The following SRRM4 variants were observed in gnomAD, a reference collection of about 807,000 sequenced individuals.
SRRM4 encodes the protein serine/arginine repetitive matrix protein 4.
A neutral mutation model predicts 68.9 loss-of-function variants in SRRM4; 33 were observed. The ratio of observed to expected loss-of-function variants is 0.48; its 90% CI spans 0.36 to 0.64. The LOEUF is 0.64. Among genes scored for constraint, SRRM4 ranks in the 30% least tolerant of loss-of-function variants. The pLI is 0.00. For missense variants in SRRM4, 817 were observed against 827.1 expected, an observed-to-expected ratio of 0.99 and a Z score of 0.15; for synonymous variants, 318 against 318.8, an observed-to-expected ratio of 1.00 and a Z score of 0.03.
rs1022225829 is a variant in SRRM4, at chr12:119,122,137, T to C, written c.515+17T>C. ...CAAGAAACAGTAAGTAGATACTACC[T>C]GGAATGTACTCATCAGTTTGAGGAG... On this transcript the variant is annotated intron_variant, in intron 6 of 12. Coordinates refer to ENST00000267260, the MANE Select transcript of SRRM4 (RefSeq NM_194286.4). 4 of 1,576,240 alleles carry C rather than the reference T, an allele frequency of 2.5e-6. No individual in the cohort carries two copies. Among genetic ancestry groups the C allele is most frequent in the Non-Finnish European group, 2.6e-6 (3 of 1,145,796 alleles).
chr12:119,066,436 C>A (rs541599174), intron 1 of SRRM4, among the ~76,000 whole-genome samples: 1 of 152,320 alleles, frequency 6.6e-6, no homozygotes, highest in Non-Finnish European at 1.5e-5. Flanking sequence ...TTATTTTACA[C>A]TACTGGGTCT....
At chr12:119,126,861 A>G (rs1033919754) in intron 7 of SRRM4, among the ~76,000 whole-genome samples, 1 of 150,188 alleles carries the variant, frequency 6.7e-6, no homozygotes, top group Non-Finnish European at 1.5e-5. Context: ...CATATACACC[A>G]TGGAATACTA....
At chr12:119,078,233 C>A (rs1467918243) in intron 1 of SRRM4, among the ~76,000 whole-genome samples, 6 of 152,184 alleles carry the variant, frequency 3.9e-5, no homozygotes, top group Non-Finnish European at 8.8e-5. Context: ...TCTATTCAAC[C>A]CTTATGTCCT....
chr12:118,982,697 CA>C (rs1953258327), intron 1 of SRRM4, among the ~76,000 whole-genome samples: 1 of 59,030 alleles, frequency 1.7e-5, no homozygotes, highest in African/African-American at 6.1e-5. Flanking sequence ...TTTTTTTTTC[CA>C]AAAAGAATCT....
intron 1 of SRRM4, among the ~76,000 whole-genome samples, chr12:119,020,402 A>T (rs1056841235): frequency 2.6e-5 from 4 of 152,260 alleles, no homozygotes; most frequent in African/African-American, 9.6e-5. Flanking sequence ...AGTATGGTAG[A>T]TAAAAATCTG....
At chr12:119,060,401 C>G (rs1953803480) in intron 1 of SRRM4, among the ~76,000 whole-genome samples, 3 of 148,922 alleles carry the variant, frequency 2.0e-5, no homozygotes, top group Non-Finnish European at 3.0e-5. Context: ...CACATGTATC[C>G]ATGTGAGCGC....
At chr12:119,122,300 A>AGGAAGGCAGGAAGGCAGGAAGGC (rs1565913366) in intron 6 of SRRM4, among the ~76,000 whole-genome samples, 180 bp downstream of exon 6, 4 of 67,012 alleles carry the variant, frequency 6.0e-5, no homozygotes, top group Admixed American at 1.5e-4. Context: ...GGCAGGAAGG[A>AGGAAGGCAGGAAGGCAGGAAGGC]AGGAAGGAAG....
At chr12:119,081,879 G>C (rs1394204285) in intron 1 of SRRM4, among the ~76,000 whole-genome samples, 1 of 148,320 alleles carries the variant, frequency 6.7e-6, no homozygotes, top group Non-Finnish European at 1.5e-5. Context: ...GTTACCACCA[G>C]AACAGCTAAC....
intron 1 of SRRM4, among the ~76,000 whole-genome samples, chr12:119,068,391 G>C (rs949484948): frequency 3.3e-5 from 5 of 152,158 alleles, no homozygotes; most frequent in African/African-American, 1.2e-4. Flanking sequence ...GGACAAAAAG[G>C]GAGCCAAGGC....
At chr12:119,066,299 A>G (rs1364084469) in intron 1 of SRRM4, among the ~76,000 whole-genome samples, 1 of 152,242 alleles carries the variant, frequency 6.6e-6, no homozygotes, top group Non-Finnish European at 1.5e-5. Flanking sequence ...CACAGTGTTG[A>G]CATTACCAAT....
chr12:119,061,862 A>G (rs1001014464), intron 1 of SRRM4, among the ~76,000 whole-genome samples: 1 of 152,040 alleles, frequency 6.6e-6, no homozygotes, highest in African/African-American at 2.4e-5. Context: ...CCCAGTTGTG[A>G]CAACCAAAAG....
At position 119,066,718 on chromosome 12, in the gene SRRM4, G is replaced by A. The variant is rs529866100; in HGVS notation, c.132-35518G>A. ...CTTCACCTGATGTTCCTTGTTACCAGAAGCATTGCCTGGAGTTAGGAAGGG... is the reference window on the plus strand; with the variant it reads ...CTTCACCTGATGTTCCTTGTTACCAAAAGCATTGCCTGGAGTTAGGAAGGG... On this transcript the variant is annotated intron_variant, in intron 1 of 12. Transcript: ENST00000267260. Among the ~76,000 whole-genome samples the A allele has an allele frequency of 3.2e-4, 49 of 152,340 alleles. No homozygotes were observed. The Middle Eastern group carries it at 0.024, about 74-fold the overall frequency.
chr12:119,152,489 C>T (rs573275273), intron 10 of SRRM4, among the ~76,000 whole-genome samples: 14 of 152,072 alleles, frequency 9.2e-5, no homozygotes, highest in African/African-American at 3.4e-4. Flanking sequence ...ATTACTCCCT[C>T]ATTTACTACA....
chr12:119,043,635 C>A (rs1301155451), intron 1 of SRRM4, among the ~76,000 whole-genome samples: 1 of 151,806 alleles, frequency 6.6e-6, no homozygotes. Context: ...GTCAGCAGGG[C>A]ACAGAGCAAT....
At chr12:119,085,873 G>T (rs1220031035) in intron 1 of SRRM4, among the ~76,000 whole-genome samples, 1 of 152,064 alleles carries the variant, frequency 6.6e-6, no homozygotes, top group East Asian at 1.9e-4. Context: ...GATGGAGGGT[G>T]GTGGCCAGGC....
In SRRM4 at chr12:119,154,240, C is replaced by T. The variant is rs1304857855; in HGVS notation, c.1392-3C>T. 6.3e-7 allele frequency: 1 copy of T among 1,599,654 alleles called. No individual in the cohort carries two copies. The highest frequency in any genetic ancestry group is 1.1e-5 in the South Asian group (1 of 89,058). On this transcript the variant is annotated splice_region_variant and splice_polypyrimidine_tract_variant and intron_variant, in intron 11 of 12. Transcript: ENST00000267260. The surrounding 1 kb of genome is among the most constrained non-coding windows in gnomAD (Gnocchi z 4.7). Reference sequence around the variant, plus strand: ...TCCCCAGTAACCCCCCGCGCCCCTTCAGGGAGCGGGATCCCAAATACAGTG... The same window carrying T: ...TCCCCAGTAACCCCCCGCGCCCCTTTAGGGAGCGGGATCCCAAATACAGTG...
In SRRM4 at chr12:119,154,107, C is replaced by T; in HGVS notation, c.1392-136C>T. The T allele has an allele frequency of 1.3e-6, 1 of 759,328 alleles. No individual in the cohort carries two copies. The highest frequency in any genetic ancestry group is 2.1e-6 in the Non-Finnish European group (1 of 465,176). 47.0% of individuals were successfully genotyped at this position (759,328 alleles called of 1,614,324 possible). On this transcript the variant is annotated intron_variant, in intron 11 of 12. Coordinates refer to ENST00000267260, the MANE Select transcript of SRRM4 (RefSeq NM_194286.4). The surrounding 1 kb of genome is among the most constrained non-coding windows in gnomAD (Gnocchi z 4.7). ...GCAGCCCCGTCATCCTCCCTCCGGT[C>T]TCCCTTGCGGCAACGTGCAGACCCC...
At chr12:119,122,232 G>T in intron 6 of SRRM4, 112 bp downstream of exon 6, 1 of 604,224 alleles carries the variant, frequency 1.7e-6, no homozygotes, top group Non-Finnish European at 2.9e-6. Flanking sequence ...GGAGGAGAAG[G>T]TGAGCGGGTG....
chr12:119,065,837 G>A (rs1316105249), intron 1 of SRRM4, among the ~76,000 whole-genome samples: 2 of 152,130 alleles, frequency 1.3e-5, no homozygotes, highest in Non-Finnish European at 2.9e-5. Context: ...AGATGGATGA[G>A]TGGATGGATG....
Sources: gnomAD v4.1 joint callset for allele counts (sites outside exome capture counted in the v4.1 genomes callset) on GRCh38, gnomAD v4.1.1 for gene constraint, Gnocchi (gnomAD v3.1) non-coding constraint, MANE v1.5 for transcripts, NCBI Gene and HGNC (gene_info 2026-07-23, HGNC 2026-07-21) for gene names.